Variants in GALNT17 observed in about 807,000 individuals in gnomAD.
GALNT17 encodes polypeptide N-acetylgalactosaminyltransferase 17.
In GALNT17, 29 loss-of-function variants were observed where a neutral mutation model predicts 63.7. The observed-to-expected ratio is 0.46, with a 90% CI of 0.34 to 0.62. GALNT17 has a LOEUF of 0.62. Ranked by LOEUF, GALNT17 falls within the 20% of genes least tolerant of loss-of-function variation. The pLI, the probability that GALNT17 is intolerant of heterozygous loss-of-function variation, is 0.01. For missense variants in GALNT17, 603 were observed against 799.6 expected (o/e 0.75, Z 2.97); for synonymous variants, 305 against 318.3 (o/e 0.96, Z 0.45).
rs184947551 is a variant in GALNT17, at chr7:71,427,649, G to C, written c.962+6544G>C. Among the ~76,000 whole-genome samples the C allele has an allele frequency of 8.7e-4, 133 of 152,098 alleles. 2 individuals are homozygous for C. Among genetic ancestry groups the C allele is most frequent in the African/African-American group, 3.1e-3 (127 of 41,486 alleles). On this transcript the variant is annotated intron_variant, in intron 5 of 10. Coordinates refer to ENST00000333538, the MANE Select transcript of GALNT17 (RefSeq NM_022479.3). ...CTGGTAAGCCACTGTCCAGGGCAGTGGTCCTCAACCCCTGAGTTGCGGACC... is the reference window on the plus strand; with the variant it reads ...CTGGTAAGCCACTGTCCAGGGCAGTCGTCCTCAACCCCTGAGTTGCGGACC...
Position 71,374,740 on chromosome 7 carries a change from A to T in GALNT17, c.423-13495A>T, listed in dbSNP as rs574762343. Among the ~76,000 whole-genome samples, 9 of 151,926 alleles carry T rather than the reference A, an allele frequency of 5.9e-5. No individual in the cohort carries two copies. The South Asian group carries it at 1.2e-3, about 21-fold the overall frequency. On this transcript the variant is annotated intron_variant, in intron 2 of 10. Transcript: ENST00000333538. ...CAGGATGGGAAGGCATTTTAGATGG[A>T]CTGAGATAAGACCAGGTTAGGACTA...
intron 5 of GALNT17, among the ~76,000 whole-genome samples, chr7:71,445,128 A>G (rs1787136807): frequency 1.3e-5 from 2 of 150,980 alleles, no homozygotes; most frequent in Admixed American, 6.6e-5. Flanking sequence ...TGGGATGGTA[A>G]TGGAGCTATA....
chr7:71,383,477 C>G (rs1005666294), intron 2 of GALNT17, among the ~76,000 whole-genome samples: 8 of 152,114 alleles, frequency 5.3e-5, no homozygotes, highest in Non-Finnish European at 8.8e-5. Flanking sequence ...CTTGCTCTGT[C>G]GCCCAGACTA....
intron 1 of GALNT17, among the ~76,000 whole-genome samples, chr7:71,270,573 T>C (rs2115692510): frequency 6.7e-6 from 1 of 149,898 alleles, no homozygotes; most frequent in African/African-American, 2.4e-5. Flanking sequence ...AAACGAATTT[T>C]CTAAACATAT....
At chr7:71,276,317 T>G (rs1790680731) in intron 1 of GALNT17, among the ~76,000 whole-genome samples, 1 of 152,190 alleles carries the variant, frequency 6.6e-6, no homozygotes, top group African/African-American at 2.4e-5. Context: ...CTACTGGATA[T>G]TCACTCAAAG....
At chr7:71,210,210 A>G (rs1300295503) in intron 1 of GALNT17, among the ~76,000 whole-genome samples, 1 of 152,200 alleles carries the variant, frequency 6.6e-6, no homozygotes, top group Non-Finnish European at 1.5e-5. Flanking sequence ...CACTATCACA[A>G]GAATAGCATG....
At chr7:71,309,995 C>T (rs1791387567) in intron 1 of GALNT17, among the ~76,000 whole-genome samples, 1 of 152,090 alleles carries the variant, frequency 6.6e-6, no homozygotes. Flanking sequence ...GCGAATAAGT[C>T]TCACAAGATC....
chr7:71,309,519 AC>A (rs1482227997), intron 1 of GALNT17, among the ~76,000 whole-genome samples: 2 of 152,034 alleles, frequency 1.3e-5, no homozygotes, highest in Admixed American at 1.3e-4. Context: ...GGTTCGCATA[AC>A]TTTTGTCTAC....
chr7:71,404,028 A>T (rs1032211830), intron 3 of GALNT17, among the ~76,000 whole-genome samples: 14 of 152,174 alleles, frequency 9.2e-5, no homozygotes, highest in Non-Finnish European at 1.9e-4. Context: ...CAGACTTTCA[A>T]ATGCCTTTGA....
chr7:71,465,043 G>A (rs1446152574), intron 5 of GALNT17, among the ~76,000 whole-genome samples: 2 of 152,092 alleles, frequency 1.3e-5, no homozygotes, highest in Non-Finnish European at 2.9e-5. Flanking sequence ...AAGTTAATAG[G>A]GCTCCTTTTA....
Position 71,396,253 on chromosome 7 carries a change from C to T in GALNT17, c.589+7852C>T, listed in dbSNP as rs578153247. On this transcript the variant is annotated intron_variant, in intron 3 of 10. Transcript: ENST00000333538. ...TAAGAGTTTTATAGTCCTAGCACTT[C>T]CATTTAGGTTTATATCCATTGTGAG... Among the ~76,000 whole-genome samples, 4 of 152,160 alleles carry T rather than the reference C, an allele frequency of 2.6e-5. No individual in the cohort carries two copies. In the South Asian group the frequency reaches 6.2e-4, roughly 24 times the overall value.
chr7:71,299,669 G>A (rs762607497), intron 1 of GALNT17, among the ~76,000 whole-genome samples: 3 of 152,156 alleles, frequency 2.0e-5, no homozygotes, highest in Non-Finnish European at 4.4e-5. Flanking sequence ...AGAGATGACC[G>A]TGGGGGCGAG....
At chr7:71,147,409 CTGCTTTATATTCAGCTGGCAGCT>C (rs1788043398) in intron 1 of GALNT17, among the ~76,000 whole-genome samples, 1 of 152,178 alleles carries the variant, frequency 6.6e-6, no homozygotes, top group Non-Finnish European at 1.5e-5. Context: ...GTTTTTCTGC[CTGCTTTATATTCAGCTGGCAGCT>C]GATTAGATGG....
chr7:71,478,173 G>T (rs114346113), intron 5 of GALNT17, among the ~76,000 whole-genome samples: 1 of 152,130 alleles, frequency 6.6e-6, no homozygotes, highest in Non-Finnish European at 1.5e-5. Flanking sequence ...CAGCGTGCTT[G>T]TAGCTGGGGG....
chr7:71,434,060 G>A (rs1239351435), intron 5 of GALNT17, among the ~76,000 whole-genome samples: 1 of 152,112 alleles, frequency 6.6e-6, no homozygotes, highest in East Asian at 1.9e-4. Flanking sequence ...TCAGCTTTTG[G>A]ACTCTTGGGC....
chr7:71,594,173 C>T (rs555987900), intron 6 of GALNT17, among the ~76,000 whole-genome samples: 1 of 152,212 alleles, frequency 6.6e-6, no homozygotes, highest in Admixed American at 6.5e-5. Context: ...ATGCGGGAGA[C>T]ACAGGGACCA....
At chr7:71,256,356 G>C (rs1043838495) in intron 1 of GALNT17, among the ~76,000 whole-genome samples, 1 of 152,198 alleles carries the variant, frequency 6.6e-6, no homozygotes, top group Non-Finnish European at 1.5e-5. Context: ...TGGATCATTT[G>C]AGGTAGGAGT....
intron 6 of GALNT17, among the ~76,000 whole-genome samples, chr7:71,584,971 A>G (rs964140202): frequency 1.3e-5 from 2 of 151,962 alleles, no homozygotes; most frequent in Non-Finnish European, 2.9e-5. Flanking sequence ...TATTAATTTC[A>G]TGTCATTCAT....
intron 1 of GALNT17, among the ~76,000 whole-genome samples, chr7:71,133,434 G>A (rs535809716): frequency 6.6e-6 from 1 of 152,276 alleles, no homozygotes; most frequent in South Asian, 2.1e-4. Flanking sequence ...GCGTTTGGTG[G>A]GGTACCAGTA....
Sources: gnomAD v4.1 joint callset for allele counts (sites outside exome capture counted in the v4.1 genomes callset) on GRCh38, gnomAD v4.1.1 for gene constraint, MANE v1.5 for transcripts, NCBI Gene and HGNC (gene_info 2026-07-23, HGNC 2026-07-21) for gene names.